Variants in OPCML observed in about 807,000 individuals in gnomAD.
The protein encoded by OPCML is opioid binding protein/cell adhesion molecule like.
OPCML carries 13 observed loss-of-function variants against 37.8 expected under a neutral mutation model. That is an observed-to-expected ratio of 0.34 (90% CI 0.22 to 0.55). The LOEUF is 0.55. Ranked by LOEUF, OPCML falls within the 20% of genes least tolerant of loss-of-function variation. OPCML has a pLI of 0.91. For missense variants in OPCML, 341 were observed against 435.6 expected, an observed-to-expected ratio of 0.78 and a Z score of 1.93; for synonymous variants, 176 against 168.8, an observed-to-expected ratio of 1.04 and a Z score of -0.33.
chr11:133,390,332 G>A (rs999066111), intron 1 of OPCML, among the ~76,000 whole-genome samples: 6 of 151,892 alleles, frequency 4.0e-5, no homozygotes, highest in South Asian at 4.2e-4. Flanking sequence ...GTGTGGTGGC[G>A]GGCGCCTGTA....
At chr11:132,477,592 A>C (rs975506236) in intron 4 of OPCML, among the ~76,000 whole-genome samples, 5 of 152,202 alleles carry the variant, frequency 3.3e-5, no homozygotes, top group African/African-American at 9.6e-5. Context: ...CCTGTTTTTA[A>C]ATGTAAGATT....
At position 133,077,142 on chromosome 11, in the gene OPCML, A is replaced by AGCTTTGCTTTGCTTATG. The variant is rs1381940711; in HGVS notation, c.62-134133_62-134132insCATAAGCAAAGCAAAGC. On this transcript the variant is annotated intron_variant, in intron 1 of 7. Coordinates refer to ENST00000524381, the MANE Select transcript of OPCML (RefSeq NM_001012393.5). ...GGAAATCAGATGAGGTGGACTTCTG[A>AGCTTTGCTTTGCTTATG]GCTTTGCTTATGGCTCTGTGAGCTC... 5.9e-5 allele frequency among the ~76,000 whole-genome samples: 9 copies of AGCTTTGCTTTGCTTATG among 152,006 alleles called. No homozygotes were observed. The East Asian group carries it at 1.4e-3, about 23-fold the overall frequency.
chr11:132,685,887 A>C (rs930538369), intron 2 of OPCML, among the ~76,000 whole-genome samples: 14 of 152,328 alleles, frequency 9.2e-5, no homozygotes, highest in African/African-American at 2.6e-4. Context: ...CCCCCAGTTC[A>C]ATGGCATCTG....
rs144464458 is a variant in OPCML at position 132,979,065 on chromosome 11, C to G, written c.62-36055G>C. Among the ~76,000 whole-genome samples, 38 of 152,080 alleles carry G rather than the reference C, an allele frequency of 2.5e-4. No individual in the cohort carries two copies. In the East Asian group the frequency reaches 4.5e-3, roughly 18 times the overall value. ...TGGAATCAGCCTTGACTCTTTCCACCCTCTCATATCTCATACCCGGCCCAT... is the reference window on the plus strand; with the variant it reads ...TGGAATCAGCCTTGACTCTTTCCACGCTCTCATATCTCATACCCGGCCCAT... On this transcript the variant is annotated intron_variant, in intron 1 of 7. Coordinates refer to ENST00000524381, the MANE Select transcript of OPCML (RefSeq NM_001012393.5).
At chr11:132,828,442 A>T (rs1283198195) in intron 2 of OPCML, among the ~76,000 whole-genome samples, 2 of 152,188 alleles carry the variant, frequency 1.3e-5, no homozygotes, top group Non-Finnish European at 1.5e-5. Flanking sequence ...TAACAAATGA[A>T]CCATACCGAT....
chr11:133,402,616 T>G (rs1414324422), intron 1 of OPCML, among the ~76,000 whole-genome samples: 1 of 152,164 alleles, frequency 6.6e-6, no homozygotes, highest in Non-Finnish European at 1.5e-5. Context: ...GTACCTTTCC[T>G]GGAGTTATAA....
At position 132,900,012 on chromosome 11, in the gene OPCML, G is replaced by A. The variant is rs182766336; in HGVS notation, c.146+42914C>T. Among the ~76,000 whole-genome samples, 268 of 152,104 alleles carry A rather than the reference G, an allele frequency of 1.8e-3. 2 individuals are homozygous for A. Among genetic ancestry groups the A allele is most frequent in the Non-Finnish European group, 2.0e-3 (134 of 67,998 alleles). ...TCCCCCATATGTAGACGGCTGTCACGGGACTTCTCAGATTCCATAATCAGG... is the reference window on the plus strand; with the variant it reads ...TCCCCCATATGTAGACGGCTGTCACAGGACTTCTCAGATTCCATAATCAGG... On this transcript the variant is annotated intron_variant, in intron 2 of 7. Transcript: ENST00000524381.
chr11:133,368,676 A>G (rs1944607266), intron 1 of OPCML, among the ~76,000 whole-genome samples: 1 of 152,158 alleles, frequency 6.6e-6, no homozygotes, highest in Non-Finnish European at 1.5e-5. Flanking sequence ...TAAATATCCT[A>G]TTTCTATCAA....
intron 1 of OPCML, among the ~76,000 whole-genome samples, chr11:133,410,634 T>TAAAAAAAAAAAAAAAAAAA (rs71038527): frequency 2.1e-5 from 1 of 47,012 alleles, no homozygotes; most frequent in Non-Finnish European, 4.4e-5. Flanking sequence ...AGAAAAAAAG[T>TAAAAAAAAAAAAAAAAAAA]AAAAAAAAAA....
At chr11:132,714,581 A>G (rs926667279) in intron 2 of OPCML, among the ~76,000 whole-genome samples, 4 of 135,388 alleles carry the variant, frequency 3.0e-5, no homozygotes, top group African/African-American at 1.4e-4. Flanking sequence ...TCATTGATAA[A>G]TCTTGACTTT....
intron 1 of OPCML, among the ~76,000 whole-genome samples, chr11:133,403,919 A>C (rs4298915): frequency 3.3e-5 from 5 of 152,078 alleles, no homozygotes; most frequent in Non-Finnish European, 7.4e-5. Flanking sequence ...TGTTAGATGT[A>C]TACACAAAAG....
chr11:132,439,026 C>G (rs1056206328), intron 4 of OPCML, among the ~76,000 whole-genome samples: 1 of 152,148 alleles, frequency 6.6e-6, no homozygotes, highest in African/African-American at 2.4e-5. Flanking sequence ...CAAATCAGCA[C>G]CGTTCTGTTA....
At chr11:133,075,510 T>A (rs542898838) in intron 1 of OPCML, among the ~76,000 whole-genome samples, 1 of 152,292 alleles carries the variant, frequency 6.6e-6, no homozygotes, top group Admixed American at 6.5e-5. Flanking sequence ...CGACACTGAC[T>A]GATGCTTTGC....
intron 1 of OPCML, among the ~76,000 whole-genome samples, chr11:133,405,370 G>T (rs760225283): frequency 1.3e-5 from 2 of 152,160 alleles, no homozygotes; most frequent in Admixed American, 1.3e-4. Flanking sequence ...GCTCCTTCTC[G>T]AATGCCCACA....
intron 1 of OPCML, chr11:133,421,144 T>A (rs547650956): frequency 2.0e-6 from 2 of 985,290 alleles, no homozygotes; most frequent in African/African-American, 3.5e-5. Flanking sequence ...TATTTAACTC[T>A]GTTGAATAAT....
At chr11:133,306,519 T>A (rs960105275) in intron 1 of OPCML, among the ~76,000 whole-genome samples, 3 of 152,170 alleles carry the variant, frequency 2.0e-5, no homozygotes, top group Non-Finnish European at 2.9e-5. Context: ...TTTGAACATA[T>A]GGGGCAACTT....
intron 1 of OPCML, among the ~76,000 whole-genome samples, chr11:133,036,348 G>A (rs1050492984): frequency 2.0e-5 from 3 of 152,196 alleles, no homozygotes; most frequent in Non-Finnish European, 4.4e-5. Context: ...CAGCTGCTAA[G>A]ATTGCAAAGA....
At chr11:132,523,396 C>T (rs1318984683) in intron 4 of OPCML, among the ~76,000 whole-genome samples, 2 of 137,660 alleles carry the variant, frequency 1.5e-5, no homozygotes, top group African/African-American at 5.0e-5. Context: ...GTCATCAGTG[C>T]CATTGATCAC....
intron 1 of OPCML, among the ~76,000 whole-genome samples, chr11:133,480,015 G>A (rs1214646875): frequency 6.6e-6 from 1 of 152,164 alleles, no homozygotes; most frequent in Non-Finnish European, 1.5e-5. Flanking sequence ...TCTAAAAGGG[G>A]CAGTGCCTAA....
Sources: gnomAD v4.1 joint callset for allele counts (sites outside exome capture counted in the v4.1 genomes callset) on GRCh38, gnomAD v4.1.1 for gene constraint, MANE v1.5 for transcripts, NCBI Gene and HGNC (gene_info 2026-07-23, HGNC 2026-07-21) for gene names.